Variants in POU6F1 observed in about 807,000 individuals in gnomAD.
The protein encoded by POU6F1 is POU class 6 homeobox 1.
In POU6F1, 9 loss-of-function variants were observed where a neutral mutation model predicts 28.9. That is an observed-to-expected ratio of 0.31 (90% CI 0.19 to 0.54). POU6F1 has a LOEUF of 0.54. POU6F1 is among the 20% of genes least tolerant of loss of function. The pLI, the probability that POU6F1 is intolerant of heterozygous loss-of-function variation, is 0.94. For missense variants in POU6F1, 338 were observed against 426.1 expected, an observed-to-expected ratio of 0.79 and a Z score of 1.82; for synonymous variants, 173 against 171.1, an observed-to-expected ratio of 1.01 and a Z score of -0.09.
At chr12:51,201,728 C>T (rs958866714) in intron 3 of POU6F1, 3 of 152,072 alleles carry the variant, frequency 2.0e-5, no homozygotes, top group African/African-American at 4.8e-5. Context: ...TTTAGTAGGA[C>T]CATGGAGTCC....
At position 51,191,736 on chromosome 12, in the gene POU6F1, A is replaced by G. The variant is rs1219721171; in HGVS notation, c.1350T>C (p.Asp450=). ...SKPHTPSLDE[D]GINLEEIREF... ...CCCGGATCTCTTCTAAGTTGATCCC[A>G]TCCTCATCCAGACTTGGAGTATGTG... Residue 450 remains aspartate, a synonymous_variant, in exon 10 of 11, where the codon GAT becomes GAC. Transcript: ENST00000333640. The G allele has an allele frequency of 1.2e-6, 2 of 1,614,222 alleles. No homozygotes were observed. The highest frequency in any genetic ancestry group is 1.7e-6 in the Non-Finnish European group (2 of 1,180,040).
Position 51,188,884 on chromosome 12 carries a change from C to G in POU6F1, c.*1363G>C, listed in dbSNP as rs929863255. ...AGCCTGTGGTCATCTAGGCAAATCT[C>G]AGTTCTCTCCTGACTTCCTGGAGTT... On this transcript the variant is annotated 3_prime_UTR_variant, in exon 11 of 11. Transcript: ENST00000333640. 2.6e-5 allele frequency: 4 copies of G among 152,146 alleles called. No homozygotes were observed. The highest frequency in any genetic ancestry group is 7.2e-5 in the African/African-American group (3 of 41,422). The allele number at this position is 152,146 out of a possible 1,614,324, so 9.4% of individuals were successfully genotyped here. A position where few individuals can be genotyped will look rare whatever the true frequency, so the allele number is the denominator to read the frequency against.
rs762423758 is a variant in POU6F1, at chr12:51,196,072, C to T, written c.1077G>A (p.Leu359=). 6.2e-7 allele frequency: 1 copy of T among 1,608,022 alleles called. No homozygotes were observed. ...TCGCAATCACCTGGCCCTGGGCGTT[C>T]AACAACAGCTGGGGGGTCACGGCCT... is the stretch of plus-strand genomic sequence containing the variant. The part of the protein sequence containing the change: ...QVQAVTPQLL[L]NAQGQVIATL... The change falls in exon 8 of 11, where the codon TTG becomes TTA. Residue 359 remains leucine (L), a synonymous_variant. Transcript: ENST00000333640.
At position 51,217,218 on chromosome 12, in the gene POU6F1, CAG is replaced by C. The variant is rs959078138; in HGVS notation, c.-48+422_-48+423del. Among the ~76,000 whole-genome samples the C allele has an allele frequency of 6.6e-5, 10 of 152,174 alleles. No homozygotes were observed. Among genetic ancestry groups the C allele is most frequent in the African/African-American group, 1.7e-4 (7 of 41,448 alleles). On this transcript the variant is annotated intron_variant, in intron 1 of 10. Transcript: ENST00000333640. The surrounding 1 kb of genome is among the most constrained non-coding windows in gnomAD (Gnocchi z 5.3). ...CGGGAACCCAGGCGTCCGTGTTCTCCAGAGAGGCAAGGATCCGCTTCTGGTCG... is the reference window on the plus strand; with the variant it reads ...CGGGAACCCAGGCGTCCGTGTTCTCCAGAGGCAAGGATCCGCTTCTGGTCG...
At chr12:51,194,079 T>A (rs1468272213) in intron 8 of POU6F1, among the ~76,000 whole-genome samples, 3 of 152,124 alleles carry the variant, frequency 2.0e-5, no homozygotes, top group Non-Finnish European at 4.4e-5. Flanking sequence ...CAGGCTGGAG[T>A]GCAGTAGCAT....
At position 51,190,511 on chromosome 12, in the gene POU6F1, C is replaced by T; in HGVS notation, c.1572G>A (p.Leu524=). Residue 524 remains leucine, a synonymous_variant, in exon 11 of 11, where the codon CTG becomes CTA. Coordinates refer to ENST00000333640, the MANE Select transcript of POU6F1 (RefSeq NM_001330422.2). This position sits in a 1 kb window ranked among gnomAD's most constrained non-coding sequence, Gnocchi z 4.5. Reference sequence around the variant, plus strand: ...GGTTCTGCTGGCCTTCCTGGTTCCGCAGTTCAGCTTCGTTTAGCCACTTTT... The same window carrying T: ...GGTTCTGCTGGCCTTCCTGGTTCCGTAGTTCAGCTTCGTTTAGCCACTTTT... The part of the protein sequence containing the change: ...VLEKWLNEAE[L]RNQEGQQNLM... The T allele has an allele frequency of 6.2e-7, 1 of 1,614,176 alleles. No individual in the cohort carries two copies. The highest frequency in any genetic ancestry group is 8.5e-7 in the Non-Finnish European group (1 of 1,180,042).
intron 1 of POU6F1, among the ~76,000 whole-genome samples, chr12:51,211,453 G>A (rs546986048): frequency 2.4e-4 from 36 of 152,280 alleles, no homozygotes; most frequent in African/African-American, 8.4e-4. Context: ...ATCTAAAAAC[G>A]CAGGCAGGGC....
chr12:51,216,952 G>C lies in POU6F1; in HGVS notation c.-48+690C>G, dbSNP rs551996201. On this transcript the variant is annotated intron_variant, in intron 1 of 10. Coordinates refer to ENST00000333640, the MANE Select transcript of POU6F1 (RefSeq NM_001330422.2). ...GCTGGGAGCTCCCTTGGCCTTGCCAGGTGAGCCTGCCCAGGGAGCCTGCAT... is the reference window on the plus strand; with the variant it reads ...GCTGGGAGCTCCCTTGGCCTTGCCACGTGAGCCTGCCCAGGGAGCCTGCAT... Among the ~76,000 whole-genome samples, 24 of 152,242 alleles carry C rather than the reference G, an allele frequency of 1.6e-4. 1 individual carries two copies. Among genetic ancestry groups the C allele is most frequent in the Admixed American group, 3.9e-4 (6 of 15,296 alleles).
intron 2 of POU6F1, among the ~76,000 whole-genome samples, chr12:51,205,033 G>GTTTT (rs1565624178): frequency 5.0e-5 from 7 of 140,790 alleles, no homozygotes; most frequent in African/African-American, 1.9e-4. Context: ...CTGGACTGCA[G>GTTTT]CTTTTTTTTT....
At chr12:51,207,447 C>G (rs905874118) in intron 1 of POU6F1, 1 of 152,196 alleles carries the variant, frequency 6.6e-6, no homozygotes, top group African/African-American at 2.4e-5. Flanking sequence ...GTCCCTGGGG[C>G]CTCCCCAGTC....
rs1252758485 is a variant in POU6F1 at position 51,218,048 on chromosome 12, G to A, written c.-454C>T. On this transcript the variant is annotated 5_prime_UTR_variant, in exon 1 of 11. Transcript: ENST00000333640. The stretch of plus-strand genomic sequence containing the variant: ...TGGATTTTTTTAGCTGCTGCGTCAT[G>A]AGCATAATTTATGCAAAGAGCTTTG... Among the ~76,000 whole-genome samples the A allele has an allele frequency of 6.7e-6, 1 of 150,334 alleles. No individual in the cohort carries two copies. The highest frequency in any genetic ancestry group is 2.0e-4 in the East Asian group (1 of 5,070).
intron 6 of POU6F1, among the ~76,000 whole-genome samples, chr12:51,197,377 T>A (rs562369853): frequency 9.2e-5 from 14 of 152,274 alleles, no homozygotes; most frequent in Admixed American, 9.1e-4. Context: ...GAGAGGCTGA[T>A]GTGATCCTAG....
At position 51,217,980 on chromosome 12, in the gene POU6F1, C is replaced by A. The variant is rs553374217; in HGVS notation, c.-386G>T. 1.3e-5 allele frequency among the ~76,000 whole-genome samples: 2 copies of A among 151,888 alleles called. No homozygotes were observed. The highest frequency in any genetic ancestry group is 4.8e-5 in the African/African-American group (2 of 41,506). ...TTTCTTCGTTCCCCCTTCCACGACCCCCCCCTTTTCCCTCCCCCCCTTTTT... is the reference window on the plus strand; with the variant it reads ...TTTCTTCGTTCCCCCTTCCACGACCACCCCCTTTTCCCTCCCCCCCTTTTT... On this transcript the variant is annotated 5_prime_UTR_variant, in exon 1 of 11. Transcript: ENST00000333640. The surrounding 1 kb of genome is among the most constrained non-coding windows in gnomAD (Gnocchi z 5.3).
At chr12:51,214,457 C>T (rs750599473) in intron 1 of POU6F1, among the ~76,000 whole-genome samples, 8 of 152,134 alleles carry the variant, frequency 5.3e-5, no homozygotes, top group Non-Finnish European at 1.2e-4. Context: ...CTGATGGGGA[C>T]TGCTCTGGTC....
At chr12:51,212,776 C>CAAAAAAAAAAA (rs1176606531) in intron 1 of POU6F1, among the ~76,000 whole-genome samples, 4 of 37,692 alleles carry the variant, frequency 1.1e-4, no homozygotes, top group Non-Finnish European at 1.3e-4. Context: ...AACTCCGTCT[C>CAAAAAAAAAAA]AAAAAAAAAA....
rs141597803 is a variant in POU6F1 at position 51,215,111 on chromosome 12, T to C, written c.-48+2531A>G. 8.1e-4 allele frequency among the ~76,000 whole-genome samples: 123 copies of C among 152,290 alleles called. 1 individual carries two copies. The highest frequency in any genetic ancestry group is 3.4e-3 in the Middle Eastern group (1 of 294). The stretch of plus-strand genomic sequence containing the variant: ...TGGTATATAACTAGGTTCATGAATA[T>C]GGGCTGAAAACAATTGAAGATACGA... On this transcript the variant is annotated intron_variant, in intron 1 of 10. Transcript: ENST00000333640.
intron 3 of POU6F1, among the ~76,000 whole-genome samples, chr12:51,202,817 A>G (rs950853128): frequency 1.3e-5 from 2 of 152,204 alleles, no homozygotes; most frequent in Non-Finnish European, 2.9e-5. Flanking sequence ...GTGGTGTCAT[A>G]CTACTTAGTC....
chr12:51,188,002 C>G lies in POU6F1; in HGVS notation c.*2245G>C, dbSNP rs1053141561. 1.3e-5 allele frequency: 2 copies of G among 152,192 alleles called. No homozygotes were observed. The highest frequency in any genetic ancestry group is 4.8e-5 in the African/African-American group (2 of 41,440). The allele number at this position is 152,192 out of a possible 1,614,324, so 9.4% of individuals were successfully genotyped here. A position where few individuals can be genotyped will look rare whatever the true frequency, so the allele number is the denominator to read the frequency against. On this transcript the variant is annotated 3_prime_UTR_variant, in exon 11 of 11. Transcript: ENST00000333640. ...AGGCTGGAGTGAAGTAGTGTGATCTCAGCTCATTGCAACCTCCAGGGTTCA... is the reference window on the plus strand; with the variant it reads ...AGGCTGGAGTGAAGTAGTGTGATCTGAGCTCATTGCAACCTCCAGGGTTCA...
chr12:51,205,067 C>G (rs1943485001), intron 2 of POU6F1, among the ~76,000 whole-genome samples: 1 of 128,416 alleles, frequency 7.8e-6, no homozygotes, highest in South Asian at 2.6e-4. Flanking sequence ...GAGACAGAGT[C>G]TCGCTCTGTC....
Sources: allele counts gnomAD v4.1 joint callset (sites outside exome capture counted in the v4.1 genomes callset), GRCh38; gene constraint gnomAD v4.1.1; non-coding constraint Gnocchi (gnomAD v3.1); transcripts MANE v1.5; gene names NCBI Gene and HGNC (gene_info 2026-07-23, HGNC 2026-07-21).